FAM135A: variants seen among roughly 807,000 people sequenced by gnomAD.
FAM135A encodes the protein family with sequence similarity 135 member A.
In FAM135A, 79 loss-of-function variants were observed where a neutral mutation model predicts 146.8. The ratio of observed to expected loss-of-function variants is 0.54; its 90% CI spans 0.45 to 0.65. The LOEUF (loss-of-function observed/expected upper bound fraction) is 0.65. Ranked by LOEUF, FAM135A falls within the 30% of genes least tolerant of loss-of-function variation. FAM135A has a pLI of 0.00. For missense variants in FAM135A, 1,623 were observed against 1,758.2 expected (o/e 0.92, Z 1.38); for synonymous variants, 562 against 603.6 (o/e 0.93, Z 1.01).
At chr6:70,514,842 C>A (rs1273679048) in intron 12 of FAM135A, among the ~76,000 whole-genome samples, 1 of 152,086 alleles carries the variant, frequency 6.6e-6, no homozygotes, top group Non-Finnish European at 1.5e-5. Flanking sequence ...GTGAAAATTG[C>A]AGAAAAGCCC....
At chr6:70,558,537 C>T (rs1193655756) in intron 21 of FAM135A, among the ~76,000 whole-genome samples, 1 of 152,150 alleles carries the variant, frequency 6.6e-6, no homozygotes, top group Non-Finnish European at 1.5e-5. Context: ...TGTTTGGGCG[C>T]AGTGGCTCAT....
chr6:70,514,560 A>G (rs1377904829), intron 12 of FAM135A, among the ~76,000 whole-genome samples: 1 of 152,226 alleles, frequency 6.6e-6, no homozygotes, highest in African/African-American at 2.4e-5. Context: ...TCTTAGATTT[A>G]TCGGAGAATT....
chr6:70,538,910 A>G (rs1261532370), intron 20 of FAM135A, among the ~76,000 whole-genome samples: 2 of 120,560 alleles, frequency 1.7e-5, no homozygotes, highest in Non-Finnish European at 4.0e-5. Flanking sequence ...ATTAATGATT[A>G]TCCTTTCTAC....
chr6:70,486,648 GC>G lies in FAM135A; in HGVS notation c.824-4384del, dbSNP rs367954054. Reference sequence around the variant, plus strand: ...AAATGTGATTTTAAAACTAAACCAGGCCGGGTGCGGTGACTCACGCCTGTAA... The same window carrying G: ...AAATGTGATTTTAAAACTAAACCAGGCGGGTGCGGTGACTCACGCCTGTAA... On this transcript the variant is annotated intron_variant, in intron 10 of 21. Transcript: ENST00000418814. Among the ~76,000 whole-genome samples, 3 of 152,226 alleles carry G rather than the reference GC, an allele frequency of 2.0e-5. No homozygotes were observed. In the South Asian group the frequency reaches 6.2e-4, roughly 32 times the overall value.
intron 4 of FAM135A, among the ~76,000 whole-genome samples, chr6:70,431,499 A>G (rs974969450): frequency 6.6e-6 from 1 of 152,128 alleles, no homozygotes; most frequent in Non-Finnish European, 1.5e-5. Context: ...CAGACCTCAT[A>G]TCATCTAGGC....
intron 4 of FAM135A, among the ~76,000 whole-genome samples, chr6:70,440,390 A>G (rs1415905968): frequency 6.6e-6 from 1 of 152,118 alleles, no homozygotes; most frequent in Non-Finnish European, 1.5e-5. Flanking sequence ...GAGGTTATAA[A>G]ATGGAGATAT....
chr6:70,527,633 A>T (rs1795015611), intron 15 of FAM135A, among the ~76,000 whole-genome samples: 1 of 152,126 alleles, frequency 6.6e-6, no homozygotes, highest in Admixed American at 6.6e-5. Context: ...TTCCTCTTCC[A>T]GCTTCACTTT....
chr6:70,443,963 C>G (rs1334382882), intron 4 of FAM135A, among the ~76,000 whole-genome samples: 5 of 152,130 alleles, frequency 3.3e-5, no homozygotes, highest in Non-Finnish European at 7.4e-5. Context: ...ACTTTTTATA[C>G]TTTATCTGAC....
At chr6:70,427,458 G>A (rs547939874) in intron 3 of FAM135A, among the ~76,000 whole-genome samples, 3 of 151,900 alleles carry the variant, frequency 2.0e-5, no homozygotes, top group South Asian at 2.1e-4. Flanking sequence ...CTTAAACCCC[G>A]GAGGCGGGGA....
intron 10 of FAM135A, among the ~76,000 whole-genome samples, chr6:70,485,301 TGTG>T: frequency 6.6e-6 from 1 of 152,260 alleles, no homozygotes; most frequent in African/African-American, 2.4e-5. Flanking sequence ...GGTAATATAT[TGTG>T]GTGTTCTTAA....
intron 2 of FAM135A, among the ~76,000 whole-genome samples, chr6:70,425,218 G>A (rs2127744712): frequency 6.6e-6 from 1 of 151,864 alleles, no homozygotes; most frequent in South Asian, 2.1e-4. Context: ...ACAATTCCTA[G>A]CCTATAGTAG....
intron 20 of FAM135A, among the ~76,000 whole-genome samples, chr6:70,554,558 C>T (rs909840660): frequency 6.6e-6 from 1 of 152,110 alleles, no homozygotes; most frequent in African/African-American, 2.4e-5. Context: ...CAACACTGTG[C>T]CAAGAAATGG....
intron 16 of FAM135A, 33 bp downstream of exon 16, chr6:70,528,485 A>T: frequency 6.9e-7 from 1 of 1,445,800 alleles, no homozygotes; most frequent in Non-Finnish European, 9.1e-7. Context: ...ACCCAGAGCA[A>T]CTCAATATAT....
At chr6:70,512,543 A>G (rs950740591) in intron 12 of FAM135A, among the ~76,000 whole-genome samples, 1 of 151,722 alleles carries the variant, frequency 6.6e-6, no homozygotes, top group African/African-American at 2.4e-5. Flanking sequence ...GTCTTTAACT[A>G]CTATAGTAGG....
intron 4 of FAM135A, among the ~76,000 whole-genome samples, chr6:70,449,922 T>C (rs2128017105): frequency 6.6e-6 from 1 of 152,324 alleles, no homozygotes; most frequent in East Asian, 1.9e-4. Flanking sequence ...TCACCGACAC[T>C]ATCTTTTCCG....
At chr6:70,423,445 CG>C (rs1769320470) in intron 2 of FAM135A, among the ~76,000 whole-genome samples, 2 of 152,066 alleles carry the variant, frequency 1.3e-5, no homozygotes, top group Admixed American at 1.3e-4. Context: ...GGAAGACATT[CG>C]GTAATCCAGA....
chr6:70,545,769 A>G (rs1215404524), intron 20 of FAM135A, among the ~76,000 whole-genome samples: 2 of 152,192 alleles, frequency 1.3e-5, no homozygotes, highest in Non-Finnish European at 2.9e-5. Flanking sequence ...TTAACCCTCT[A>G]GGGTAGGAAT....
rs1324325433 is a variant in FAM135A, at chr6:70,538,347, C to G, written c.4174C>G (p.Arg1392Gly). 7.8e-6 allele frequency: 12 copies of G among 1,533,092 alleles called. No homozygotes were observed. Among genetic ancestry groups the G allele is most frequent in the Non-Finnish European group, 1.1e-5 (12 of 1,133,262 alleles). The allele number at this position is 1,533,092 out of a possible 1,614,324, so 95.0% of individuals were successfully genotyped here. A position where few individuals can be genotyped will look rare whatever the true frequency, so the allele number is the denominator to read the frequency against. ...KSGSLLQLTC[R>G]DHSDPRQTFL... ...AGGTTCGCTTTTGCAGCTGACATGT[C>G]GAGATCACTCAGACCCTCGCCAAAC... Residue 1392 changes from arginine to glycine, a missense_variant, in exon 20 of 22, where the codon CGA (arginine) becomes GGA (glycine). This residue lies in a region of FAM135A where 138 missense variants were observed against 174.1 expected (regional missense o/e 0.79). Coordinates refer to ENST00000418814, the MANE Select transcript of FAM135A (RefSeq NM_001162529.3).
chr6:70,536,112 G>A (rs575638925), intron 18 of FAM135A, 148 bp from the exon 19 acceptor site: 3 of 628,732 alleles, frequency 4.8e-6, no homozygotes, highest in Non-Finnish European at 7.7e-6. Context: ...TCAAAATGTG[G>A]TATATCATTT....
Sources: gnomAD v4.1 joint callset for allele counts (sites outside exome capture counted in the v4.1 genomes callset) on GRCh38, gnomAD v4.1.1 for gene constraint, gnomAD v4.1.1 regional missense constraint, MANE v1.5 for transcripts, NCBI Gene and HGNC (gene_info 2026-07-23, HGNC 2026-07-21) for gene names.